The following A4GALT variants were observed in gnomAD, a reference collection of about 807,000 sequenced individuals.
A4GALT encodes lactosylceramide 4-alpha-galactosyltransferase.
For missense variants in A4GALT, 512 were observed against 486.0 expected, an observed-to-expected ratio of 1.05 and a Z score of -0.50; for synonymous variants, 257 against 220.7, an observed-to-expected ratio of 1.16 and a Z score of -1.46.
intron 1 of A4GALT, among the ~76,000 whole-genome samples, chr22:42,720,124 C>G (rs537243529): frequency 6.6e-6 from 1 of 152,178 alleles, no homozygotes; most frequent in Non-Finnish European, 1.5e-5. Flanking sequence ...TCAACCTTCC[C>G]CAGCTGGAGA....
rs536283332 is a variant in A4GALT, at chr22:42,712,169, T to C, written c.-188+8628A>G. Reference sequence around the variant, plus strand: ...TTTCTTCCTTCCCTGAGGCCACCCTTCCCTCCCAGGGTCACTCTAGCTCCC... The same window carrying C: ...TTTCTTCCTTCCCTGAGGCCACCCTCCCCTCCCAGGGTCACTCTAGCTCCC... On this transcript the variant is annotated intron_variant, in intron 1 of 2. Transcript: ENST00000642412. Among the ~76,000 whole-genome samples the C allele has an allele frequency of 8.5e-4, 129 of 152,250 alleles. 1 individual carries two copies. In the South Asian group the frequency reaches 0.013, roughly 15 times the overall value.
chr22:42,718,286 G>A (rs1178223267), intron 1 of A4GALT: 1 of 152,232 alleles, frequency 6.6e-6, no homozygotes, highest in Non-Finnish European at 1.5e-5. Flanking sequence ...TTTGGAGACG[G>A]AGTCTCGCTC....
At chr22:42,718,917 G>A (rs568412852) in intron 1 of A4GALT, among the ~76,000 whole-genome samples, 3 of 152,314 alleles carry the variant, frequency 2.0e-5, no homozygotes, top group East Asian at 3.9e-4. Flanking sequence ...TGGTGGTGGA[G>A]GCCGTCCACC....
At chr22:42,700,958 A>G (rs916073777) in intron 1 of A4GALT, among the ~76,000 whole-genome samples, 1 of 152,186 alleles carries the variant, frequency 6.6e-6, no homozygotes, top group Admixed American at 6.5e-5. Flanking sequence ...GCCAGGACGT[A>G]GCATGCTCTT....
chr22:42,692,340 C>T lies in A4GALT; in HGVS notation c.*550G>A. 3.7e-6 allele frequency: 1 copy of T among 272,980 alleles called. No homozygotes were observed. Among genetic ancestry groups the T allele is most frequent in the Non-Finnish European group, 7.2e-6 (1 of 139,262 alleles). 16.9% of individuals were successfully genotyped at this position (272,980 alleles called of 1,614,324 possible). A position where few individuals can be genotyped will look rare whatever the true frequency, so the allele number is the denominator to read the frequency against. ...GGCTGCCCCCAAACGGCTCCCCAGG[C>T]TGGCACTTCTGGGCCTCTGCCCCAC... On this transcript the variant is annotated 3_prime_UTR_variant, in exon 3 of 3. Coordinates refer to ENST00000642412, the MANE Select transcript of A4GALT (RefSeq NM_017436.7). The surrounding 1 kb of genome is among the most constrained non-coding windows in gnomAD (Gnocchi z 4.6).
At chr22:42,719,377 C>T (rs1196915447) in intron 1 of A4GALT, among the ~76,000 whole-genome samples, 1 of 152,112 alleles carries the variant, frequency 6.6e-6, no homozygotes, top group Non-Finnish European at 1.5e-5. Context: ...GTGGGAGGAT[C>T]GCTTGAGCCT....
chr22:42,706,402 GA>G (rs1320756779), intron 1 of A4GALT, among the ~76,000 whole-genome samples: 1 of 146,112 alleles, frequency 6.8e-6, no homozygotes, highest in Non-Finnish European at 1.5e-5. Context: ...TCTTGAAGGA[GA>G]AAAAGATTTT....
At chr22:42,701,442 C>T (rs539392070) in intron 1 of A4GALT, among the ~76,000 whole-genome samples, 1 of 152,292 alleles carries the variant, frequency 6.6e-6, no homozygotes, top group South Asian at 2.1e-4. Context: ...CCAGAGTCCC[C>T]ATGACCCTAA....
intron 1 of A4GALT, among the ~76,000 whole-genome samples, chr22:42,705,339 G>A (rs938704817): frequency 1.3e-5 from 2 of 152,206 alleles, no homozygotes; most frequent in Non-Finnish European, 2.9e-5. Flanking sequence ...AATGGCTCAT[G>A]CCTGTAATCT....
chr22:42,718,606 A>T (rs1602032702), intron 1 of A4GALT: 1 of 152,214 alleles, frequency 6.6e-6, no homozygotes, highest in African/African-American at 2.4e-5. Context: ...AAAAAGGCAA[A>T]TGTTAACAAT....
chr22:42,714,643 G>A (rs1237090153), intron 1 of A4GALT, among the ~76,000 whole-genome samples: 3 of 152,096 alleles, frequency 2.0e-5, no homozygotes, highest in African/African-American at 7.2e-5. Flanking sequence ...AGGCATGGTG[G>A]CTGGCACCTG....
At chr22:42,720,008 G>T (rs1392079018) in intron 1 of A4GALT, among the ~76,000 whole-genome samples, 1 of 152,200 alleles carries the variant, frequency 6.6e-6, no homozygotes. Context: ...GACAGGTGAT[G>T]AAACTGAGGG....
intron 1 of A4GALT, among the ~76,000 whole-genome samples, chr22:42,704,808 C>G (rs1012741368): frequency 2.7e-5 from 4 of 149,734 alleles, no homozygotes; most frequent in African/African-American, 9.9e-5. Context: ...AGGGAAAACC[C>G]GCAAACTCCC....
At chr22:42,694,840 T>G (rs1930809257) in intron 2 of A4GALT, 1 of 152,192 alleles carries the variant, frequency 6.6e-6, no homozygotes, top group South Asian at 2.1e-4. Context: ...CATAGTTCGA[T>G]AAATACTGGC....
chr22:42,693,914 C>G lies in A4GALT; in HGVS notation c.38G>C (p.Arg13Pro), dbSNP rs539634429. ...GCAGACCCGCTGCCTTGGGGCGCCCCGGAGCAGCCGCAGCAGGAGGTCGGG... is the reference window on the plus strand; with the variant it reads ...GCAGACCCGCTGCCTTGGGGCGCCCGGGAGCAGCCGCAGCAGGAGGTCGGG... ...KPPDLLLRLL[R>P]GAPRQRVCTL... The change falls in exon 3 of 3, where the codon CGG (arginine) becomes CCG (proline). Residue 13 changes from arginine to proline, a missense_variant. Transcript: ENST00000642412. The G allele has an allele frequency of 6.2e-6, 10 of 1,604,292 alleles. No homozygotes were observed. Among genetic ancestry groups the G allele is most frequent in the Non-Finnish European group, 8.5e-6 (10 of 1,176,346 alleles).
intron 1 of A4GALT, among the ~76,000 whole-genome samples, chr22:42,701,463 G>A (rs1363627033): frequency 4.6e-5 from 7 of 152,268 alleles, no homozygotes; most frequent in African/African-American, 1.4e-4. Flanking sequence ...GGTCACATGT[G>A]GCTTTGAACA....
upstream of A4GALT, chr22:42,720,927 G>T (rs1271963735): frequency 7.1e-6 from 1 of 140,678 alleles, no homozygotes; most frequent in East Asian, 2.5e-4. Flanking sequence ...GGGTCAGGCC[G>T]CCCCGCCCCG....
At position 42,693,982 on chromosome 22, in the gene A4GALT, G is replaced by A. The variant is rs1375080616; in HGVS notation, c.-31C>T. 1.9e-6 allele frequency: 3 copies of A among 1,544,974 alleles called. No homozygotes were observed. Among genetic ancestry groups the A allele is most frequent in the Admixed American group, 3.9e-5 (2 of 51,630 alleles). On this transcript the variant is annotated 5_prime_UTR_variant, in exon 3 of 3. Transcript: ENST00000642412. Reference sequence around the variant, plus strand: ...CCCCAGATCAGACCAGGAGCTTCCAGCAGGAACCGGCTGGTCTGCAAGAGA... The same window carrying A: ...CCCCAGATCAGACCAGGAGCTTCCAACAGGAACCGGCTGGTCTGCAAGAGA...
At chr22:42,707,646 A>T (rs1422146910) in intron 1 of A4GALT, among the ~76,000 whole-genome samples, 1 of 152,146 alleles carries the variant, frequency 6.6e-6, no homozygotes, top group Non-Finnish European at 1.5e-5. Flanking sequence ...ACTGAGTGAG[A>T]GACTCTTTCT....
Sources: gnomAD v4.1 joint callset for allele counts (sites outside exome capture counted in the v4.1 genomes callset) on GRCh38, gnomAD v4.1.1 for gene constraint, Gnocchi (gnomAD v3.1) non-coding constraint, MANE v1.5 for transcripts, NCBI Gene and HGNC (gene_info 2026-07-23, HGNC 2026-07-21) for gene names.